CNR2: variants seen among roughly 807,000 people sequenced by gnomAD.
The protein encoded by CNR2 is cannabinoid receptor 2 (macrophage).
For missense variants in CNR2, 379 were observed against 439.9 expected (o/e 0.86, Z 1.24); for synonymous variants, 172 against 182.2 (o/e 0.94, Z 0.45).
At chr1:23,901,518 T>G (rs1640398448) in intron 1 of CNR2, 3 of 1,599,780 alleles carry the variant, frequency 1.9e-6, no homozygotes, top group Non-Finnish European at 2.6e-6. Flanking sequence ...TGGACCCCAG[T>G]CCCGTTGGTG....
chr1:23,886,974 C>T (rs1255694328), intron 1 of CNR2, among the ~76,000 whole-genome samples: 9 of 152,162 alleles, frequency 5.9e-5, no homozygotes, highest in African/African-American at 1.4e-4. Context: ...GGCACAATCT[C>T]GGCTCACTGC....
intron 1 of CNR2, among the ~76,000 whole-genome samples, chr1:23,878,670 C>A (rs1049160692): frequency 6.6e-6 from 1 of 152,190 alleles, no homozygotes; most frequent in African/African-American, 2.4e-5. Context: ...TGAGCCACCA[C>A]ACCCAGCCCC....
chr1:23,911,127 C>G (rs752119826), intron 1 of CNR2, among the ~76,000 whole-genome samples: 3 of 132,624 alleles, frequency 2.3e-5, no homozygotes, highest in East Asian at 2.2e-4. Flanking sequence ...TCCTGAGAAC[C>G]TGAGCGCAGT....
At chr1:23,891,287 G>GTGTGTGTGTA (rs1223094799) in intron 1 of CNR2, among the ~76,000 whole-genome samples, 1 of 4,098 alleles carries the variant, frequency 2.4e-4, no homozygotes, top group East Asian at 1.7e-3. Context: ...GTGTGTGTGT[G>GTGTGTGTGTA]TGTGTGTGTG....
rs1362776556 is a variant in CNR2 at position 23,875,474 on chromosome 1, G to A, written c.144C>T (p.Ala48=). The change falls in exon 2 of 2, where the codon GCC becomes GCT. Residue 48 remains alanine, a synonymous_variant. Coordinates refer to ENST00000374472, the MANE Select transcript of CNR2 (RefSeq NM_001841.3). ...VLCTLLGLLS[A]LENVAVLYLI... is the part of the protein sequence containing the mutation. ...GATAGAGCACAGCCACGTTCTCCAGGGCACTTAGCAGGCCCAGAAGAGTGC... is the reference window on the plus strand; with the variant it reads ...GATAGAGCACAGCCACGTTCTCCAGAGCACTTAGCAGGCCCAGAAGAGTGC... The A allele has an allele frequency of 1.2e-6, 2 of 1,614,168 alleles. No individual in the cohort carries two copies. Among genetic ancestry groups the A allele is most frequent in the South Asian group, 1.1e-5 (1 of 91,086 alleles).
chr1:23,874,750 T>C lies in CNR2; in HGVS notation c.868A>G (p.Ile290Val), dbSNP rs764236604. 2 of 1,614,156 alleles carry C rather than the reference T, an allele frequency of 1.2e-6. No homozygotes were observed. The highest frequency in any genetic ancestry group is 2.2e-5 in the South Asian group (2 of 91,082). ...ATGACAGGGTTGACCATGGAGTTGATGAGGCACAGCATGGAGCAGAAAGCA... is the reference window on the plus strand; with the variant it reads ...ATGACAGGGTTGACCATGGAGTTGACGAGGCACAGCATGGAGCAGAAAGCA... Reference protein sequence around the residue: ...AFAFCSMLCLINSMVNPVIYA... With the variant: ...AFAFCSMLCLVNSMVNPVIYA... The change falls in exon 2 of 2, where the codon ATC (isoleucine) becomes GTC (valine). Residue 290 changes from isoleucine to valine, a missense_variant. By Grantham distance (29) the Ile-to-Val change is conservative (BLOSUM62 3). Coordinates refer to ENST00000374472, the MANE Select transcript of CNR2 (RefSeq NM_001841.3).
intron 1 of CNR2, among the ~76,000 whole-genome samples, chr1:23,885,967 A>G (rs1640082369): frequency 6.6e-6 from 1 of 151,988 alleles, no homozygotes; most frequent in African/African-American, 2.4e-5. Context: ...AGGCAGGCAG[A>G]TCACAAGGTC....
intron 1 of CNR2, among the ~76,000 whole-genome samples, chr1:23,906,891 C>CA (rs111873996): frequency 0.012 from 1,390 of 115,180 alleles, 17 homozygotes; most frequent in African/African-American, 0.029. Context: ...GACTCTGTGT[C>CA]AAAAAAAAAA....
chr1:23,912,496 G>C (rs898753257), intron 1 of CNR2, among the ~76,000 whole-genome samples: 2 of 152,246 alleles, frequency 1.3e-5, no homozygotes, highest in Non-Finnish European at 2.9e-5. Flanking sequence ...AAGCCGGAGT[G>C]CCTAGGCTCA....
chr1:23,882,745 G>A (rs893048390), intron 1 of CNR2, among the ~76,000 whole-genome samples: 11 of 151,714 alleles, frequency 7.3e-5, no homozygotes, highest in African/African-American at 2.7e-4. Context: ...GCTTGAACCT[G>A]GGAGGCGGAG....
intron 1 of CNR2, among the ~76,000 whole-genome samples, chr1:23,887,503 A>C (rs1640111791): frequency 6.6e-6 from 1 of 152,222 alleles, no homozygotes. Context: ...GTTATTATCC[A>C]AAGTAGATAA....
intron 1 of CNR2, among the ~76,000 whole-genome samples, chr1:23,880,421 G>A (rs577803753): frequency 2.6e-5 from 4 of 152,004 alleles, no homozygotes; most frequent in East Asian, 1.9e-4. Flanking sequence ...TGATCTGCCC[G>A]CCTTAGCCTC....
At chr1:23,902,761 CGGGT>C (rs1640422464) in intron 1 of CNR2, 2 of 1,504,610 alleles carry the variant, frequency 1.3e-6, no homozygotes, top group Non-Finnish European at 1.8e-6. Context: ...TGGGGCTCTC[CGGGT>C]GGTTGTTGCC....
At chr1:23,880,115 A>T (rs978607611) in intron 1 of CNR2, among the ~76,000 whole-genome samples, 2 of 149,910 alleles carry the variant, frequency 1.3e-5, no homozygotes, top group Non-Finnish European at 3.0e-5. Flanking sequence ...CTTTGCCCAG[A>T]TCTTACTTTT....
chr1:23,889,946 G>GCTGGGC (rs2148464230), intron 1 of CNR2, among the ~76,000 whole-genome samples: 1 of 152,204 alleles, frequency 6.6e-6, no homozygotes, highest in African/African-American at 2.4e-5. Context: ...AAAGGCAGGA[G>GCTGGGC]ATGCTTAATA....
At chr1:23,892,977 T>C (rs547154517) in intron 1 of CNR2, among the ~76,000 whole-genome samples, 1 of 152,054 alleles carries the variant, frequency 6.6e-6, no homozygotes, top group Non-Finnish European at 1.5e-5. Flanking sequence ...GATCGCACCA[T>C]TGCACTTCAG....
intron 1 of CNR2, among the ~76,000 whole-genome samples, chr1:23,885,124 G>T (rs1640064455): frequency 6.6e-6 from 1 of 152,080 alleles, no homozygotes; most frequent in South Asian, 2.1e-4. Context: ...CTGAGGCTGG[G>T]TACAGTGGCT....
At chr1:23,878,784 C>A (rs2501367) in intron 1 of CNR2, among the ~76,000 whole-genome samples, 96,174 of 151,926 alleles carry the variant, frequency 0.63, 30,822 homozygotes, top group African/African-American at 0.75. Flanking sequence ...GAATGAAAAG[C>A]CAAATTACCT....
rs1389919626 is a variant in CNR2, at chr1:23,874,339, T to A, written c.*196A>T. 1 of 608,544 alleles carries A rather than the reference T, an allele frequency of 1.6e-6. No homozygotes were observed. The highest frequency in any genetic ancestry group is 2.1e-5 in the South Asian group (1 of 48,638). 37.7% of individuals were successfully genotyped at this position (608,544 alleles called of 1,614,324 possible). A position where few individuals can be genotyped will look rare whatever the true frequency, so the allele number is the denominator to read the frequency against. ...TGGCTACTCCTCGTGGCCCTACCTA[T>A]CCAACAGACTGTGTGCAGGTGGGCA... is the stretch of plus-strand genomic sequence containing the variant. On this transcript the variant is annotated 3_prime_UTR_variant, in exon 2 of 2. Transcript: ENST00000374472.
Sources: allele counts gnomAD v4.1 joint callset (sites outside exome capture counted in the v4.1 genomes callset), GRCh38; gene constraint gnomAD v4.1.1; transcripts MANE v1.5; gene names NCBI Gene and HGNC (gene_info 2026-07-23, HGNC 2026-07-21).